The following MYO3A variants were observed in gnomAD, a reference collection of about 807,000 sequenced individuals.
MYO3A encodes the protein myosin IIIA, also known as myosin-IIIa.
MYO3A carries 180 observed loss-of-function variants against 192.7 expected under a neutral mutation model. The observed-to-expected ratio is 0.93, with a 90% CI of 0.83 to 1.06. The LOEUF is 1.06. Among genes scored for constraint, MYO3A ranks in the 50% least tolerant of loss-of-function variants. MYO3A has a pLI of 0.00. For synonymous variants in MYO3A, 628 were observed against 645.3 expected (o/e 0.97, Z 0.41); for missense variants, 1,896 against 1,905.0 (o/e 1.00, Z 0.09).
chr10:26,145,312 C>T lies in MYO3A; in HGVS notation c.2417-134C>T. ...TACTTTACCATGTATAATTCTATTC[C>T]AAATCTGCATATATTAGCTATGTAA... is the stretch of plus-strand genomic sequence containing the variant. On this transcript the variant is annotated intron_variant, in intron 21 of 34. Transcript: ENST00000642920. 3 of 666,112 alleles carry T rather than the reference C, an allele frequency of 4.5e-6. 1 individual carries two copies. The South Asian group carries it at 5.3e-5, about 12-fold the overall frequency. The allele number at this position is 666,112 out of a possible 1,614,324, so 41.3% of individuals were successfully genotyped here.
chr10:26,210,151 A>G lies in MYO3A; in HGVS notation c.4731-1692A>G, dbSNP rs867940845. Among the ~76,000 whole-genome samples, 6 of 145,640 alleles carry G rather than the reference A, an allele frequency of 4.1e-5. No homozygotes were observed. The East Asian group carries it at 8.0e-4, about 19-fold the overall frequency. ...GGAGGGAGGGAAGGAAGGAAGGAAG[A>G]AAGGAAGGAAGGAAGGGAGGGAGGG... On this transcript the variant is annotated intron_variant, in intron 34 of 34. Transcript: ENST00000642920.
intron 14 of MYO3A, among the ~76,000 whole-genome samples, chr10:26,081,562 C>T (rs1201601358): frequency 1.3e-5 from 2 of 152,182 alleles, no homozygotes; most frequent in Non-Finnish European, 2.9e-5. Flanking sequence ...GGCACCCTCC[C>T]CCGAGTTGGG....
chr10:25,990,582 T>C (rs1315643786), intron 4 of MYO3A, among the ~76,000 whole-genome samples: 1 of 152,060 alleles, frequency 6.6e-6, no homozygotes, highest in East Asian at 1.9e-4. Context: ...TACATATGTA[T>C]ACATGTGCCA....
intron 34 of MYO3A, among the ~76,000 whole-genome samples, chr10:26,205,747 G>A (rs1314804371): frequency 2.1e-4 from 31 of 148,258 alleles, no homozygotes; most frequent in African/African-American, 7.5e-4. Flanking sequence ...CTCCCAAGTA[G>A]CTGGGACTAC....
chr10:26,178,604 C>T (rs1003534840), intron 31 of MYO3A, among the ~76,000 whole-genome samples: 10 of 151,094 alleles, frequency 6.6e-5, no homozygotes, highest in Non-Finnish European at 1.3e-4. Context: ...CAAGGGACAA[C>T]TTTACCCAGG....
intron 34 of MYO3A, among the ~76,000 whole-genome samples, chr10:26,205,214 G>A (rs1403855894): frequency 1.3e-5 from 2 of 152,246 alleles, no homozygotes; most frequent in East Asian, 3.9e-4. Flanking sequence ...GCTTGATCAT[G>A]CTAATTAACA....
intron 19 of MYO3A, 103 bp from the exon 20 acceptor site, chr10:26,128,288 T>C: frequency 1.7e-6 from 2 of 1,188,896 alleles, no homozygotes; most frequent in East Asian, 2.4e-5. Flanking sequence ...TATGTTCTTA[T>C]AGTAGTTTCT....
At position 26,068,630 on chromosome 10, in the gene MYO3A, G is replaced by A. The variant is rs7477386; in HGVS notation, c.1054-138G>A. ...AGTAGTTGCAGAGCTGATGTTACAT[G>A]TTTTTTACTATCAGTGTGTCTGTTT... is the stretch of plus-strand genomic sequence containing the variant. On this transcript the variant is annotated intron_variant, in intron 11 of 34. Coordinates refer to ENST00000642920, the MANE Select transcript of MYO3A (RefSeq NM_017433.5). 0.48 allele frequency: 266,386 copies of A among 557,910 alleles called. 66,334 individuals are homozygous for A. The highest frequency in any genetic ancestry group is 0.54 in the Middle Eastern group (1,035 of 1,914). 34.6% of individuals were successfully genotyped at this position (557,910 alleles called of 1,614,324 possible).
chr10:26,074,596 A>AT (rs1835414157), intron 14 of MYO3A, among the ~76,000 whole-genome samples: 1 of 147,694 alleles, frequency 6.8e-6, no homozygotes, highest in Non-Finnish European at 1.5e-5. Flanking sequence ...TAAAATATAT[A>AT]ATATATATTA....
At chr10:26,200,170 C>T (rs1212299236) in intron 32 of MYO3A, among the ~76,000 whole-genome samples, 2 of 152,202 alleles carry the variant, frequency 1.3e-5, no homozygotes, top group Non-Finnish European at 2.9e-5. Flanking sequence ...TCACTTCCAC[C>T]TCATCCACCC....
chr10:26,012,176 C>T (rs1293733903), intron 6 of MYO3A, among the ~76,000 whole-genome samples: 2 of 152,110 alleles, frequency 1.3e-5, no homozygotes, highest in South Asian at 2.1e-4. Context: ...AGCTTTCCCC[C>T]TGAACAGGAA....
intron 4 of MYO3A, among the ~76,000 whole-genome samples, chr10:25,994,656 C>T (rs112588062): frequency 0.095 from 14,430 of 152,082 alleles, 1,197 homozygotes; most frequent in African/African-American, 0.22. Flanking sequence ...ACTGGTTGTT[C>T]CTTTCCATGT....
chr10:26,051,343 G>T (rs1247909022), intron 10 of MYO3A, among the ~76,000 whole-genome samples: 1 of 151,756 alleles, frequency 6.6e-6, no homozygotes, highest in Non-Finnish European at 1.5e-5. Context: ...AAATGATTGG[G>T]GAAAAGACAA....
At chr10:25,979,707 C>G (rs1370279270) in intron 4 of MYO3A, among the ~76,000 whole-genome samples, 1 of 152,142 alleles carries the variant, frequency 6.6e-6, no homozygotes, top group Non-Finnish European at 1.5e-5. Flanking sequence ...TACATACAGT[C>G]TAGGTAATTG....
chr10:26,122,341 GAAAGTAGAAACTTTATT>G (rs535265387), intron 18 of MYO3A, among the ~76,000 whole-genome samples: 28 of 152,298 alleles, frequency 1.8e-4, no homozygotes, highest in African/African-American at 5.3e-4. Flanking sequence ...ACCACTCATG[GAAAGTAGAAACTTTATT>G]AATTTACATT....
At chr10:25,946,297 A>T (rs1236046136) in intron 2 of MYO3A, among the ~76,000 whole-genome samples, 2 of 152,154 alleles carry the variant, frequency 1.3e-5, no homozygotes, top group Non-Finnish European at 2.9e-5. Context: ...AACTCCATCC[A>T]TTTTTGTTTA....
chr10:26,015,838 G>C (rs191478049), intron 6 of MYO3A, among the ~76,000 whole-genome samples: 5 of 152,288 alleles, frequency 3.3e-5, no homozygotes, highest in African/African-American at 9.6e-5. Context: ...CATGGTAAAA[G>C]TCAAATGCCA....
intron 4 of MYO3A, among the ~76,000 whole-genome samples, chr10:25,982,756 T>C (rs1839410776): frequency 6.6e-6 from 1 of 152,108 alleles, no homozygotes; most frequent in Non-Finnish European, 1.5e-5. Context: ...GAACACCATA[T>C]CAAGGGAGCA....
intron 14 of MYO3A, among the ~76,000 whole-genome samples, chr10:26,087,299 G>A (rs1836396838): frequency 1.3e-5 from 2 of 152,096 alleles, no homozygotes; most frequent in South Asian, 4.1e-4. Context: ...TTCTTACACA[G>A]CCTCAAAACT....
Sources: allele counts gnomAD v4.1 joint callset (sites outside exome capture counted in the v4.1 genomes callset), GRCh38; gene constraint gnomAD v4.1.1; transcripts MANE v1.5; gene names NCBI Gene and HGNC (gene_info 2026-07-23, HGNC 2026-07-21).